The following IFNLR1 variants were observed in gnomAD, a reference collection of about 807,000 sequenced individuals.
IFNLR1 encodes the protein CRF2-12.
In IFNLR1, 28 loss-of-function variants were observed where a neutral mutation model predicts 52.5. The ratio of observed to expected loss-of-function variants is 0.53; its 90% CI spans 0.40 to 0.73. The LOEUF (loss-of-function observed/expected upper bound fraction) is 0.73. IFNLR1 is among the 30% of genes least tolerant of loss of function. The pLI, the probability that IFNLR1 is intolerant of heterozygous loss-of-function variation, is 0.00. For synonymous variants in IFNLR1, 276 were observed against 274.9 expected (o/e 1.00, Z -0.04); for missense variants, 623 against 659.1 (o/e 0.95, Z 0.60).
In IFNLR1 at chr1:24,169,536, G is replaced by C. The variant is rs1293204678; in HGVS notation, c.248C>G (p.Ser83Cys). 13 of 1,614,206 alleles carry C rather than the reference G, an allele frequency of 8.1e-6. No homozygotes were observed. The highest frequency in any genetic ancestry group is 1.1e-5 in the Non-Finnish European group (13 of 1,180,032). Residue 83 changes from serine to cysteine, a missense_variant, in exon 3 of 7, where the codon TCT (serine) becomes TGT (cysteine). Transcript: ENST00000327535. ...GTCCTGTTTCTTCAGGCACATCATA[G>C]AACATAGCAGCTCCTTGGTTCCCGC... is the stretch of plus-strand genomic sequence containing the variant. ...ECAGTKELLC[S>C]MMCLKKQDLY...
At chr1:24,161,128 A>T (rs1644438332) in intron 4 of IFNLR1, among the ~76,000 whole-genome samples, 1 of 152,228 alleles carries the variant, frequency 6.6e-6, no homozygotes, top group Non-Finnish European at 1.5e-5. Context: ...CTGAGCGAAC[A>T]TACGGCCCAT....
intron 3 of IFNLR1, among the ~76,000 whole-genome samples, chr1:24,162,804 TTTC>T (rs1644466966): frequency 2.9e-5 from 2 of 68,156 alleles, no homozygotes; most frequent in African/African-American, 5.1e-5. Context: ...TTCTTTCTTT[TTTC>T]TTTCTTTTTT....
chr1:24,182,191 C>T (rs923518076), intron 1 of IFNLR1, among the ~76,000 whole-genome samples: 3 of 116,606 alleles, frequency 2.6e-5, no homozygotes, highest in African/African-American at 7.6e-5. Context: ...CAGGGCGAGA[C>T]TCCATTCCAA....
At chr1:24,169,904 C>T (rs189061608) in intron 2 of IFNLR1, among the ~76,000 whole-genome samples, 20 of 152,322 alleles carry the variant, frequency 1.3e-4, no homozygotes, top group Admixed American at 1.0e-3. Context: ...AGGACTGTTG[C>T]GGTGGCTGCT....
At chr1:24,172,102 G>T (rs1235601100) in intron 2 of IFNLR1, among the ~76,000 whole-genome samples, 1 of 152,098 alleles carries the variant, frequency 6.6e-6, no homozygotes, top group East Asian at 1.9e-4. Context: ...ACCACACCTG[G>T]CCTTAAAAAT....
intron 3 of IFNLR1, among the ~76,000 whole-genome samples, chr1:24,165,014 C>T (rs1464837114): frequency 1.3e-5 from 2 of 152,158 alleles, no homozygotes; most frequent in Non-Finnish European, 2.9e-5. Flanking sequence ...CTGCTCGCCT[C>T]GGACTCTCAA....
intron 2 of IFNLR1, among the ~76,000 whole-genome samples, chr1:24,180,297 A>T (rs1569695811): frequency 6.4e-5 from 1 of 15,622 alleles, no homozygotes; most frequent in Non-Finnish European, 1.3e-4. Flanking sequence ...ACTCTGTCTC[A>T]AAAAAAAAAA....
rs368620046 is a variant in IFNLR1 at position 24,157,081 on chromosome 1, T to C, written c.*49A>G. The C allele has an allele frequency of 4.3e-5, 67 of 1,556,780 alleles. No individual in the cohort carries two copies. The African/African-American group carries it at 8.6e-4, about 20-fold the overall frequency. On this transcript the variant is annotated 3_prime_UTR_variant, in exon 7 of 7. Coordinates refer to ENST00000327535, the MANE Select transcript of IFNLR1 (RefSeq NM_170743.4). This position sits in a 1 kb window ranked among gnomAD's most constrained non-coding sequence, Gnocchi z 5.1. ...AGTTTCTTGGGAAGCCCAGTAGTCCTTGCAAAGGCAGCAGCAGCATCAGAT... is the reference window on the plus strand; with the variant it reads ...AGTTTCTTGGGAAGCCCAGTAGTCCCTGCAAAGGCAGCAGCAGCATCAGAT...
At position 24,187,207 on chromosome 1, in the gene IFNLR1, C is replaced by G. The variant is rs1644748078; in HGVS notation, c.42G>C (p.Leu14=). 1 of 1,331,174 alleles carries G rather than the reference C, an allele frequency of 7.5e-7. No homozygotes were observed. The highest frequency in any genetic ancestry group is 3.7e-5 in the Admixed American group (1 of 27,128). 82.5% of individuals were successfully genotyped at this position (1,331,174 alleles called of 1,614,324 possible). A position where few individuals can be genotyped will look rare whatever the true frequency, so the allele number is the denominator to read the frequency against. ...PERWGPLLLC[L]LQAAPGRPRL... Reference sequence around the variant, plus strand: ...CGCCCTTACCTGGAGCGGCCTGCAGCAGGCACAGGAGCAGGGGGCCCCAGC... The same window carrying G: ...CGCCCTTACCTGGAGCGGCCTGCAGGAGGCACAGGAGCAGGGGGCCCCAGC... Residue 14 remains leucine (L), a synonymous_variant, in exon 1 of 7, where the codon CTG becomes CTC. Coordinates refer to ENST00000327535, the MANE Select transcript of IFNLR1 (RefSeq NM_170743.4).
At chr1:24,162,772 C>CTT (rs1644463891) in intron 3 of IFNLR1, among the ~76,000 whole-genome samples, 2 of 45,216 alleles carry the variant, frequency 4.4e-5, no homozygotes, top group African/African-American at 1.9e-4. Context: ...TTCTTTCTTT[C>CTT]TTTCTTTTTC....
intron 3 of IFNLR1, among the ~76,000 whole-genome samples, chr1:24,165,967 G>C (rs2148592393): frequency 6.6e-6 from 1 of 152,292 alleles, no homozygotes; most frequent in East Asian, 1.9e-4. Flanking sequence ...AGGCAGGAAG[G>C]ATCACCCTGG....
chr1:24,161,754 G>A (rs1413009759), intron 3 of IFNLR1, 70 bp from the exon 4 acceptor site: 2 of 1,407,108 alleles, frequency 1.4e-6, no homozygotes, highest in Non-Finnish European at 1.9e-6. Context: ...CAAGACCAGA[G>A]AGCTCTCTTG....
chr1:24,183,275 T>A (rs1363102744), intron 1 of IFNLR1, among the ~76,000 whole-genome samples: 1 of 151,838 alleles, frequency 6.6e-6, no homozygotes, highest in Non-Finnish European at 1.5e-5. Flanking sequence ...AAACACCTCA[T>A]ACTATTAAAA....
At chr1:24,161,901 AGAGAG>A (rs1644447816) in intron 3 of IFNLR1, among the ~76,000 whole-genome samples, 1 of 152,224 alleles carries the variant, frequency 6.6e-6, no homozygotes, top group African/African-American at 2.4e-5. Flanking sequence ...ACTGAGGCTT[AGAGAG>A]GAGAGGTGAC....
chr1:24,162,997 A>G lies in IFNLR1; in HGVS notation c.368-1313T>C, dbSNP rs1251676420. Among the ~76,000 whole-genome samples, 44 of 107,754 alleles carry G rather than the reference A, an allele frequency of 4.1e-4. 3 individuals carry two copies. Among genetic ancestry groups the G allele is most frequent in the African/African-American group, 1.7e-3 (44 of 26,652 alleles). 70.7% of individuals were successfully genotyped at this position (107,754 alleles called of 152,430 possible). ...TTTTTTTGAGACAGAGTCTTGCTCT[A>G]TCACCCAGGCTGGAGTGCAACGGGG... is the stretch of plus-strand genomic sequence containing the variant. On this transcript the variant is annotated intron_variant, in intron 3 of 6. Transcript: ENST00000327535.
At chr1:24,161,189 C>T (rs927618012) in intron 4 of IFNLR1, among the ~76,000 whole-genome samples, 1 of 152,184 alleles carries the variant, frequency 6.6e-6, no homozygotes, top group Admixed American at 6.5e-5. Flanking sequence ...TCTGCCAGCC[C>T]TTGCCATAAA....
rs1230834358 is a variant in IFNLR1 at position 24,156,167 on chromosome 1, G to A, written c.*963C>T. 3 of 152,176 alleles carry A rather than the reference G, an allele frequency of 2.0e-5. No homozygotes were observed. The highest frequency in any genetic ancestry group is 4.4e-5 in the Non-Finnish European group (3 of 68,026). 9.4% of individuals were successfully genotyped at this position (152,176 alleles called of 1,614,324 possible). On this transcript the variant is annotated 3_prime_UTR_variant, in exon 7 of 7. Coordinates refer to ENST00000327535, the MANE Select transcript of IFNLR1 (RefSeq NM_170743.4). ...CGGAGAGACCAGGGTCCCCTTGGGT[G>A]GGGCTCTGGCTTCTGAGAGCTCACT...
At chr1:24,164,759 CTTTTT>C (rs61550265) in intron 3 of IFNLR1, among the ~76,000 whole-genome samples, 6 of 140,554 alleles carry the variant, frequency 4.3e-5, no homozygotes, top group Admixed American at 7.1e-5. Flanking sequence ...GGAGCAATCT[CTTTTT>C]TTTTTTTTTT....
chr1:24,159,120 C>T lies in IFNLR1; in HGVS notation c.733G>A (p.Gly245Arg), dbSNP rs774266849. The T allele has an allele frequency of 1.9e-6, 3 of 1,614,074 alleles. No homozygotes were observed. Among genetic ancestry groups the T allele is most frequent in the Non-Finnish European group, 1.7e-6 (2 of 1,180,040 alleles). ...LLILLLVIAA[G>R]GVIWKTLMGN... ...ATGAGGGTCTTCCAGATCACACCCC[C>T]TGCGGCAATTACTAACAGCAGTATC... The change falls in exon 6 of 7, where the codon GGG becomes AGG. Residue 245 changes from glycine to arginine, a missense_variant. By Grantham distance (125) the Gly-to-Arg change is moderately radical. Transcript: ENST00000327535.
Sources: gnomAD v4.1 joint callset for allele counts (sites outside exome capture counted in the v4.1 genomes callset) on GRCh38, gnomAD v4.1.1 for gene constraint, Gnocchi (gnomAD v3.1) non-coding constraint, MANE v1.5 for transcripts, NCBI Gene and HGNC (gene_info 2026-07-23, HGNC 2026-07-21) for gene names.